DMRT1: variants seen among roughly 807,000 people sequenced by gnomAD.
DMRT1 encodes the protein doublesex and mab-3 related transcription factor 1.
A neutral mutation model predicts 32.3 loss-of-function variants in DMRT1; 7 were observed. That is an observed-to-expected ratio of 0.22 (90% CI 0.12 to 0.41). The LOEUF is 0.41. DMRT1 is among the 10% of genes least tolerant of loss of function. The probability of loss-of-function intolerance (pLI) is 1.00; values close to 1 mark genes in which losing one functional copy is unlikely to be tolerated. For missense variants in DMRT1, 625 were observed against 500.5 expected (o/e 1.25, Z -2.37); for synonymous variants, 278 against 206.1 (o/e 1.35, Z -2.99).
Position 887,193 on chromosome 9 carries a change from T to C in DMRT1, c.539-6719T>C, listed in dbSNP as rs148152784. On this transcript the variant is annotated intron_variant, in intron 2 of 4. Transcript: ENST00000382276. The stretch of plus-strand genomic sequence containing the variant: ...CAGCCTGGGAAACAATGTGAGACTG[T>C]CTCTCAAACAAACAAACAATGTAAC... Among the ~76,000 whole-genome samples the C allele has an allele frequency of 1.9e-3, 295 of 152,250 alleles. 1 individual carries two copies. The highest frequency in any genetic ancestry group is 6.8e-3 in the African/African-American group (281 of 41,556).
At chr9:908,006 A>G (rs1008605730) in intron 3 of DMRT1, among the ~76,000 whole-genome samples, 1 of 152,230 alleles carries the variant, frequency 6.6e-6, no homozygotes, top group Non-Finnish European at 1.5e-5. Flanking sequence ...AAACAGTTGA[A>G]CAACACAAGT....
intron 4 of DMRT1, among the ~76,000 whole-genome samples, chr9:960,844 G>T (rs1256822363): frequency 6.6e-6 from 1 of 152,230 alleles, no homozygotes; most frequent in Non-Finnish European, 1.5e-5. Flanking sequence ...ATGAAGTAGG[G>T]TGGGGTGGGG....
intron 4 of DMRT1, among the ~76,000 whole-genome samples, chr9:958,944 T>C (rs1023001358): frequency 1.3e-5 from 2 of 152,184 alleles, no homozygotes; most frequent in Admixed American, 1.3e-4. Flanking sequence ...CCCATCAAGG[T>C]TGGGATTTCC....
chr9:923,177 A>G (rs77363102), intron 4 of DMRT1, among the ~76,000 whole-genome samples: 1 of 152,110 alleles, frequency 6.6e-6, no homozygotes, highest in African/African-American at 2.4e-5. Context: ...TTTTAGGAAA[A>G]GGTCATCTGG....
At chr9:960,327 G>A (rs1191660534) in intron 4 of DMRT1, among the ~76,000 whole-genome samples, 1 of 152,218 alleles carries the variant, frequency 6.6e-6, no homozygotes, top group African/African-American at 2.4e-5. Context: ...ACATTCAGAG[G>A]TGTTGGGTGT....
chr9:930,652 C>CAT (rs1818691422), intron 4 of DMRT1, among the ~76,000 whole-genome samples: 3 of 152,062 alleles, frequency 2.0e-5, no homozygotes, highest in African/African-American at 7.2e-5. Context: ...TCGTGATCTG[C>CAT]CTGCCTCAGC....
intron 4 of DMRT1, among the ~76,000 whole-genome samples, chr9:931,620 T>C (rs1818728985): frequency 6.6e-6 from 1 of 152,242 alleles, no homozygotes; most frequent in South Asian, 2.1e-4. Flanking sequence ...TCCTGGGTTG[T>C]AGACTGCCAT....
intron 2 of DMRT1, among the ~76,000 whole-genome samples, chr9:874,243 G>GT: frequency 6.6e-6 from 1 of 152,152 alleles, no homozygotes; most frequent in South Asian, 2.1e-4. Context: ...ATTTTGTTTT[G>GT]TTTTTTGAGA....
chr9:847,243 T>C, intron 2 of DMRT1, 100 bp downstream of exon 2: 1 of 1,240,704 alleles, frequency 8.1e-7, no homozygotes, highest in East Asian at 2.5e-5. Context: ...CATACAGTGT[T>C]TAGAGCTTAG....
Position 965,357 on chromosome 9 carries a change from G to T in DMRT1, c.968-2628G>T, listed in dbSNP as rs1380940046. On this transcript the variant is annotated intron_variant, in intron 4 of 4. Transcript: ENST00000382276. The surrounding 1 kb of genome is among the most constrained non-coding windows in gnomAD (Gnocchi z 4.5). Reference sequence around the variant, plus strand: ...ACAATACGGCTGTTTTTCAAAACAGGGTGAGTTTTACATTTTCTCTAGAGT... The same window carrying T: ...ACAATACGGCTGTTTTTCAAAACAGTGTGAGTTTTACATTTTCTCTAGAGT... Among the ~76,000 whole-genome samples the T allele has an allele frequency of 6.6e-6, 1 of 152,128 alleles. No homozygotes were observed. Among genetic ancestry groups the T allele is most frequent in the Non-Finnish European group, 1.5e-5 (1 of 68,030 alleles).
chr9:853,725 G>A (rs1467386204), intron 2 of DMRT1, among the ~76,000 whole-genome samples: 3 of 152,026 alleles, frequency 2.0e-5, no homozygotes, highest in South Asian at 4.2e-4. Flanking sequence ...GGTTGGTCTT[G>A]AACTCCTGAC....
At chr9:917,511 G>A (rs1818222338) in intron 4 of DMRT1, among the ~76,000 whole-genome samples, 1 of 152,184 alleles carries the variant, frequency 6.6e-6, no homozygotes, top group Non-Finnish European at 1.5e-5. Context: ...TGAGAGGCAG[G>A]TCTTTACAGC....
intron 2 of DMRT1, among the ~76,000 whole-genome samples, chr9:848,285 CA>C (rs1838990270): frequency 6.6e-6 from 1 of 151,950 alleles, no homozygotes; most frequent in Non-Finnish European, 1.5e-5. Flanking sequence ...TTCCTCTTGT[CA>C]AAAATGAGGG....
chr9:876,573 C>G (rs544720539), intron 2 of DMRT1, among the ~76,000 whole-genome samples: 2 of 151,778 alleles, frequency 1.3e-5, no homozygotes, highest in South Asian at 4.2e-4. Flanking sequence ...CCCTATCATC[C>G]AGTCTGGAGT....
chr9:842,001 G>T lies in DMRT1; in HGVS notation c.163G>T (p.Gly55Cys). Residue 55 changes from glycine (G) to cysteine (C), a missense_variant, in exon 1 of 5, where the codon GGC becomes TGC. Physicochemically the swap from Gly to Cys is radical, Grantham distance 159. Around this residue, in one of 3 missense-constraint regions of DMRT1, gnomAD observed 201 missense variants for 152.0 expected, o/e 1.32. Transcript: ENST00000382276. ...CGCCGGGGGCAGCAGCAGAGGAGGC[G>T]GCTCCGGCTCCGGGGCGTCGGACCT... ...SSAGGSSRGG[G>C]SGSGASDLGA... 1 of 1,557,544 alleles carries T rather than the reference G, an allele frequency of 6.4e-7. No individual in the cohort carries two copies. The highest frequency in any genetic ancestry group is 1.4e-5 in the African/African-American group (1 of 73,652).
chr9:886,578 C>CT (rs975484536), intron 2 of DMRT1, among the ~76,000 whole-genome samples: 15 of 149,734 alleles, frequency 1.0e-4, no homozygotes, highest in South Asian at 4.2e-4. Context: ...CTTACTGTGA[C>CT]TTTTTTTTTT....
At chr9:937,341 A>T (rs899952067) in intron 4 of DMRT1, among the ~76,000 whole-genome samples, 1 of 152,242 alleles carries the variant, frequency 6.6e-6, no homozygotes, top group Non-Finnish European at 1.5e-5. Context: ...ACCTGCTTTC[A>T]GTTCTTCTGG....
chr9:928,399 A>G (rs1818597748), intron 4 of DMRT1, among the ~76,000 whole-genome samples: 1 of 152,200 alleles, frequency 6.6e-6, no homozygotes, highest in Non-Finnish European at 1.5e-5. Context: ...ATACTTGCAT[A>G]AAATCTGGGT....
chr9:861,463 T>C (rs1815664199), intron 2 of DMRT1, among the ~76,000 whole-genome samples: 1 of 152,226 alleles, frequency 6.6e-6, no homozygotes, highest in South Asian at 2.1e-4. Context: ...CTATGTCTGC[T>C]TCTTTCTACA....
Sources: allele counts gnomAD v4.1 joint callset (sites outside exome capture counted in the v4.1 genomes callset), GRCh38; gene constraint gnomAD v4.1.1; regional missense constraint gnomAD v4.1.1; non-coding constraint Gnocchi (gnomAD v3.1); transcripts MANE v1.5; gene names NCBI Gene and HGNC (gene_info 2026-07-23, HGNC 2026-07-21).